Variants in KCNIP1 observed in about 807,000 individuals in gnomAD.
KCNIP1 encodes the protein potassium voltage-gated channel interacting protein 1, also known as A-type potassium channel modulatory protein KCNIP1.
Under a neutral mutation model 33.0 loss-of-function variants are expected in KCNIP1, and 18 were observed. That is an observed-to-expected ratio of 0.55 (90% CI 0.38 to 0.81). The LOEUF is 0.81. Ranked by LOEUF, KCNIP1 falls within the 30% of genes least tolerant of loss-of-function variation. KCNIP1 has a pLI of 0.00. For missense variants in KCNIP1, 238 were observed against 271.6 expected (o/e 0.88, Z 0.87); for synonymous variants, 93 against 98.3 (o/e 0.95, Z 0.32).
At chr5:170,699,613 T>G (rs935416479) in intron 1 of KCNIP1, among the ~76,000 whole-genome samples, 2 of 150,294 alleles carry the variant, frequency 1.3e-5, no homozygotes, top group South Asian at 4.2e-4. Context: ...TCCAGCCTTA[T>G]CATATTGTTG....
chr5:170,451,207 G>A (rs1756241313), intron 1 of KCNIP1, among the ~76,000 whole-genome samples: 1 of 152,176 alleles, frequency 6.6e-6, no homozygotes, highest in Admixed American at 6.6e-5. Context: ...CAAGAACATT[G>A]TCTAAACCAC....
intron 1 of KCNIP1, among the ~76,000 whole-genome samples, chr5:170,355,827 T>C (rs894114862): frequency 6.6e-6 from 1 of 152,220 alleles, no homozygotes. Context: ...CTGGCCTTCC[T>C]GTGAACTGCT....
chr5:170,659,158 C>CT (rs57279700), intron 1 of KCNIP1, among the ~76,000 whole-genome samples: 16 of 149,912 alleles, frequency 1.1e-4, no homozygotes, highest in East Asian at 7.8e-4. Context: ...TCTCTGATCA[C>CT]TTTTTTTTTT....
At position 170,504,407 on chromosome 5, in the gene KCNIP1, A is replaced by G. The variant is rs1754622830; in HGVS notation, c.-166A>G. 3 of 1,447,864 alleles carry G rather than the reference A, an allele frequency of 2.1e-6. No individual in the cohort carries two copies. Among genetic ancestry groups the G allele is most frequent in the Non-Finnish European group, 2.7e-6 (3 of 1,106,776 alleles). 89.7% of individuals were successfully genotyped at this position (1,447,864 alleles called of 1,614,324 possible). Reference sequence around the variant, plus strand: ...GTGCGGGGCTGAAGAAGGAAGCCAGAAGCCTCCTAGCCTCGCCTCCACGCT... The same window carrying G: ...GTGCGGGGCTGAAGAAGGAAGCCAGGAGCCTCCTAGCCTCGCCTCCACGCT... On this transcript the variant is annotated 5_prime_UTR_variant, in exon 1 of 8. Coordinates refer to ENST00000328939, the MANE Select transcript of KCNIP1 (RefSeq NM_014592.4). The surrounding 1 kb of genome is among the most constrained non-coding windows in gnomAD (Gnocchi z 6.0).
intron 1 of KCNIP1, among the ~76,000 whole-genome samples, chr5:170,459,653 G>T (rs1756462267): frequency 6.6e-6 from 1 of 152,132 alleles, no homozygotes; most frequent in South Asian, 2.1e-4. Context: ...TGACAGTACT[G>T]ACACAACCTA....
At chr5:170,534,817 A>G (rs1755915565) in intron 1 of KCNIP1, among the ~76,000 whole-genome samples, 1 of 148,240 alleles carries the variant, frequency 6.7e-6, no homozygotes, top group Non-Finnish European at 1.5e-5. Flanking sequence ...CTACCATACC[A>G]TGCCCGGCAT....
At chr5:170,733,793 A>T (rs1183021443) in intron 6 of KCNIP1, 43 bp from the exon 7 acceptor site, 1 of 1,493,880 alleles carries the variant, frequency 6.7e-7, no homozygotes, top group Non-Finnish European at 9.3e-7. Context: ...TTTGGAATGG[A>T]GATCACCAGA....
At chr5:170,661,047 A>T (rs1040539062) in intron 1 of KCNIP1, among the ~76,000 whole-genome samples, 1 of 152,230 alleles carries the variant, frequency 6.6e-6, no homozygotes, top group Non-Finnish European at 1.5e-5. Context: ...CATTTTCTGG[A>T]AGATCTGTTC....
chr5:170,717,410 C>A (rs189019648), intron 1 of KCNIP1, among the ~76,000 whole-genome samples: 1 of 152,034 alleles, frequency 6.6e-6, no homozygotes, highest in South Asian at 2.1e-4. Flanking sequence ...GTCTCTGTGG[C>A]GTAAACAGTA....
intron 1 of KCNIP1, among the ~76,000 whole-genome samples, chr5:170,369,715 T>G (rs1763792569): frequency 6.6e-6 from 1 of 152,234 alleles, no homozygotes; most frequent in Non-Finnish European, 1.5e-5. Context: ...TCCCATGGGC[T>G]TCCTTGAGAT....
intron 1 of KCNIP1, among the ~76,000 whole-genome samples, chr5:170,624,583 GA>G (rs1288165036): frequency 1.3e-5 from 2 of 151,788 alleles, no homozygotes; most frequent in Non-Finnish European, 2.9e-5. Flanking sequence ...TCAAGCATTG[GA>G]AAGTCCCATC....
chr5:170,542,990 G>C (rs1756269570), intron 1 of KCNIP1, among the ~76,000 whole-genome samples: 1 of 152,198 alleles, frequency 6.6e-6, no homozygotes, highest in Non-Finnish European at 1.5e-5. Context: ...AATGTCTGGT[G>C]AGGGCCAGTT....
chr5:170,514,486 T>C (rs557734374), intron 1 of KCNIP1, among the ~76,000 whole-genome samples: 2 of 152,312 alleles, frequency 1.3e-5, no homozygotes, highest in African/African-American at 4.8e-5. Flanking sequence ...CTCTAAGCCC[T>C]GTAGGCCCTG....
chr5:170,643,364 G>A (rs1760653378), intron 1 of KCNIP1, among the ~76,000 whole-genome samples: 1 of 144,380 alleles, frequency 6.9e-6, no homozygotes, highest in Non-Finnish European at 1.5e-5. Flanking sequence ...TGTTAAGCTA[G>A]CAAATTTGCA....
chr5:170,461,506 T>C (rs2113106581), intron 1 of KCNIP1, among the ~76,000 whole-genome samples: 1 of 152,188 alleles, frequency 6.6e-6, no homozygotes, highest in Non-Finnish European at 1.5e-5. Context: ...ATCCCAGCAC[T>C]TTGGGAGACC....
At chr5:170,556,642 G>A (rs1477302889) in intron 1 of KCNIP1, among the ~76,000 whole-genome samples, 1 of 152,228 alleles carries the variant, frequency 6.6e-6, no homozygotes, top group African/African-American at 2.4e-5. Flanking sequence ...CCGGAAGCAG[G>A]CTAGAGCCAG....
At chr5:170,380,702 TC>T (rs1764204658) in intron 1 of KCNIP1, among the ~76,000 whole-genome samples, 1 of 152,192 alleles carries the variant, frequency 6.6e-6, no homozygotes, top group Admixed American at 6.5e-5. Context: ...TAATCCAGCA[TC>T]CTGAGCTGAC....
chr5:170,431,192 G>C (rs1476550152), intron 1 of KCNIP1, among the ~76,000 whole-genome samples: 1 of 152,236 alleles, frequency 6.6e-6, no homozygotes, highest in Non-Finnish European at 1.5e-5. Flanking sequence ...AAGTTTACAA[G>C]CTAGGCTGGC....
rs1397037558 is a variant in KCNIP1 at position 170,504,169 on chromosome 5, G to C, written c.-404G>C. The C allele has an allele frequency of 2.0e-6, 2 of 1,007,992 alleles. No individual in the cohort carries two copies. The highest frequency in any genetic ancestry group is 9.7e-5 in the East Asian group (1 of 10,358). 62.4% of individuals were successfully genotyped at this position (1,007,992 alleles called of 1,614,324 possible). ...GCGCAGGGAGGGGAGCCGAGTGTGCGGCAGGAGGGGCGGGCGGACGGCGGC... is the reference window on the plus strand; with the variant it reads ...GCGCAGGGAGGGGAGCCGAGTGTGCCGCAGGAGGGGCGGGCGGACGGCGGC... On this transcript the variant is annotated 5_prime_UTR_variant, in exon 1 of 8. Coordinates refer to ENST00000328939, the MANE Select transcript of KCNIP1 (RefSeq NM_014592.4). The surrounding 1 kb of genome is among the most constrained non-coding windows in gnomAD (Gnocchi z 6.0).
Sources: allele counts gnomAD v4.1 joint callset (sites outside exome capture counted in the v4.1 genomes callset), GRCh38; gene constraint gnomAD v4.1.1; non-coding constraint Gnocchi (gnomAD v3.1); transcripts MANE v1.5; gene names NCBI Gene and HGNC (gene_info 2026-07-23, HGNC 2026-07-21).